NRG1: variants seen among roughly 807,000 people sequenced by gnomAD.
NRG1 encodes the protein pro-neuregulin-1, membrane-bound isoform.
NRG1 carries 18 observed loss-of-function variants against 63.8 expected under a neutral mutation model. The observed-to-expected ratio is 0.28, with a 90% CI of 0.19 to 0.42. The LOEUF is 0.42. NRG1 is among the 10% of genes least tolerant of loss of function. NRG1 has a pLI of 1.00. For missense variants in NRG1, 762 were observed against 814.7 expected (o/e 0.94, Z 0.79); for synonymous variants, 302 against 301.3 (o/e 1.00, Z -0.02).
intron 1 of NRG1, among the ~76,000 whole-genome samples, chr8:31,729,875 G>C (rs1813841260): frequency 1.3e-5 from 2 of 152,090 alleles, no homozygotes; most frequent in South Asian, 4.1e-4. Flanking sequence ...AACTCTAAGA[G>C]AAAAACACAG....
At chr8:31,649,249 C>T (rs572019907) in intron 1 of NRG1, among the ~76,000 whole-genome samples, 260 of 152,262 alleles carry the variant, frequency 1.7e-3, no homozygotes, top group African/African-American at 6.0e-3. Context: ...CCATGGTGCC[C>T]GGCCTCATAT....
At chr8:31,722,403 T>C (rs1306435323) in intron 1 of NRG1, among the ~76,000 whole-genome samples, 1 of 152,130 alleles carries the variant, frequency 6.6e-6, no homozygotes, top group Non-Finnish European at 1.5e-5. Context: ...ATGCATCTCC[T>C]TCCTGTCATC....
intron 10 of NRG1, among the ~76,000 whole-genome samples, 190 bp downstream of exon 10, chr8:32,759,626 G>A (rs191423531): frequency 6.6e-6 from 1 of 152,264 alleles, no homozygotes; most frequent in East Asian, 1.9e-4. Flanking sequence ...ACTCCACAGG[G>A]CCGTTGTTTC....
chr8:31,897,950 G>A (rs1235570088), intron 1 of NRG1, among the ~76,000 whole-genome samples: 1 of 148,474 alleles, frequency 6.7e-6, no homozygotes, highest in Non-Finnish European at 1.5e-5. Context: ...CCCGGAGACA[G>A]AGGTTGCAAT....
intron 1 of NRG1, among the ~76,000 whole-genome samples, chr8:31,907,303 A>C (rs1432716381): frequency 6.6e-6 from 1 of 151,724 alleles, no homozygotes. Context: ...GATAATACTA[A>C]ATTGACAAGT....
chr8:31,752,947 G>T (rs1816632191), intron 1 of NRG1, among the ~76,000 whole-genome samples: 1 of 151,904 alleles, frequency 6.6e-6, no homozygotes, highest in Admixed American at 6.6e-5. Context: ...GATTTGTTGG[G>T]CCACCTACTG....
At chr8:32,452,727 G>A (rs1821121206) in intron 1 of NRG1, among the ~76,000 whole-genome samples, 1 of 152,162 alleles carries the variant, frequency 6.6e-6, no homozygotes, top group Admixed American at 6.5e-5. Flanking sequence ...TCTACTGTGA[G>A]TCCAAAAGAA....
intron 1 of NRG1, among the ~76,000 whole-genome samples, chr8:31,917,598 G>A (rs978196768): frequency 6.6e-6 from 1 of 151,978 alleles, no homozygotes; most frequent in Non-Finnish European, 1.5e-5. Context: ...ATGCTGTTTT[G>A]GTTACTGTAG....
At chr8:32,598,054 A>G (rs1434992607) in intron 2 of NRG1, among the ~76,000 whole-genome samples, 3 of 152,174 alleles carry the variant, frequency 2.0e-5, no homozygotes, top group Admixed American at 6.5e-5. Flanking sequence ...CTGTCAAAGG[A>G]TACCAGTAAT....
At chr8:32,547,916 T>C (rs1454192263), upstream of NRG1, among the ~76,000 whole-genome samples, 1 of 152,082 alleles carries the variant, frequency 6.6e-6, no homozygotes, top group African/African-American at 2.4e-5. Context: ...CGCCGTCCTT[T>C]TCCGCGTGGA....
intron 1 of NRG1, among the ~76,000 whole-genome samples, chr8:32,308,005 T>C (rs1856412960): frequency 6.6e-6 from 1 of 152,172 alleles, no homozygotes; most frequent in Non-Finnish European, 1.5e-5. Flanking sequence ...CCACGCTGGG[T>C]GAGGCTACAT....
intron 1 of NRG1, among the ~76,000 whole-genome samples, chr8:32,343,536 C>T (rs1804350891): frequency 1.3e-5 from 2 of 152,174 alleles, no homozygotes; most frequent in Admixed American, 6.5e-5. Context: ...TCCATTTACT[C>T]ACAATACACA....
At chr8:32,331,995 G>T (rs967821622) in intron 1 of NRG1, among the ~76,000 whole-genome samples, 2 of 152,050 alleles carry the variant, frequency 1.3e-5, no homozygotes, top group Non-Finnish European at 2.9e-5. Flanking sequence ...GATAAAGAAG[G>T]ATGGAAGTGG....
intron 1 of NRG1, among the ~76,000 whole-genome samples, chr8:32,459,430 T>G (rs1822028019): frequency 6.6e-6 from 1 of 152,118 alleles, no homozygotes; most frequent in African/African-American, 2.4e-5. Flanking sequence ...ATTTTACGTT[T>G]GCCTTTTCTA....
At chr8:32,076,748 A>G (rs1826627841) in intron 1 of NRG1, among the ~76,000 whole-genome samples, 2 of 152,078 alleles carry the variant, frequency 1.3e-5, no homozygotes, top group South Asian at 4.1e-4. Context: ...AGTCATGTAG[A>G]TGCGTACTTT....
intron 7 of NRG1, among the ~76,000 whole-genome samples, chr8:32,746,282 A>T (rs528339807): frequency 1.3e-5 from 2 of 152,218 alleles, no homozygotes; most frequent in Non-Finnish European, 2.9e-5. Context: ...AAAGACAGAC[A>T]CTAAATTGGT....
rs191123587 is a variant in NRG1, at chr8:32,105,333, G to A, written c.37+465902G>A. Among the ~76,000 whole-genome samples, 416 of 152,276 alleles carry A rather than the reference G, an allele frequency of 2.7e-3. 1 individual carries two copies. Among genetic ancestry groups the A allele is most frequent in the Non-Finnish European group, 4.9e-3 (331 of 68,010 alleles). ...AGAGGCTTAATGGACTCACAGTTCC[G>A]CATGGCTAGAGAGGCCTCACAATCA... On this transcript the variant is annotated intron_variant, in intron 1 of 10. Transcript: ENST00000519301.
intron 1 of NRG1, among the ~76,000 whole-genome samples, chr8:32,120,367 T>C (rs1307484529): frequency 2.6e-5 from 4 of 152,160 alleles, no homozygotes; most frequent in Non-Finnish European, 5.9e-5. Flanking sequence ...TTACTAGTGG[T>C]ATCATCTATG....
chr8:31,699,713 A>T (rs1038612691), intron 1 of NRG1, among the ~76,000 whole-genome samples: 140 of 110,436 alleles, frequency 1.3e-3, no homozygotes, highest in African/African-American at 4.3e-3. Flanking sequence ...CCTTTTTTTA[A>T]AAAAAAAATT....
Sources: allele counts gnomAD v4.1 joint callset (sites outside exome capture counted in the v4.1 genomes callset), GRCh38; gene constraint gnomAD v4.1.1; transcripts MANE v1.5; gene names NCBI Gene and HGNC (gene_info 2026-07-23, HGNC 2026-07-21).